ZYG11B: variants seen among roughly 807,000 people sequenced by gnomAD.
The protein encoded by ZYG11B is protein zyg-11 homolog B.
A neutral mutation model predicts 82.4 loss-of-function variants in ZYG11B; 36 were observed. The ratio of observed to expected loss-of-function variants is 0.44; its 90% CI spans 0.33 to 0.58. ZYG11B has a LOEUF of 0.58. ZYG11B is among the 20% of genes least tolerant of loss of function. The pLI is 0.02. For synonymous variants in ZYG11B, 303 were observed against 312.8 expected (o/e 0.97, Z 0.33); for missense variants, 552 against 895.6 (o/e 0.62, Z 4.90).
chr1:52,792,926 T>C (rs1156509088), intron 6 of ZYG11B, among the ~76,000 whole-genome samples: 1 of 152,110 alleles, frequency 6.6e-6, no homozygotes, highest in Non-Finnish European at 1.5e-5. Context: ...CTGCAACCTC[T>C]GCTTCCCAGG....
intron 3 of ZYG11B, among the ~76,000 whole-genome samples, chr1:52,777,498 G>T (rs1418622224): frequency 6.6e-6 from 1 of 152,124 alleles, no homozygotes; most frequent in Admixed American, 6.5e-5. Context: ...ATCATGGAGT[G>T]CTGTGGCACA....
At chr1:52,809,673 G>A (rs1188183768) in intron 10 of ZYG11B, among the ~76,000 whole-genome samples, 1 of 151,948 alleles carries the variant, frequency 6.6e-6, no homozygotes, top group East Asian at 1.9e-4. Context: ...CATTCTCACC[G>A]CTTGTTATTT....
chr1:52,730,297 AT>A (rs1571735096), intron 1 of ZYG11B, among the ~76,000 whole-genome samples: 1 of 152,120 alleles, frequency 6.6e-6, no homozygotes, highest in East Asian at 1.9e-4. Flanking sequence ...TTTTCATCTC[AT>A]GTATATAGAG....
rs1226692710 is a variant in ZYG11B, at chr1:52,726,633, C to T, written c.-21C>T. ...GGCGGGCTCCGGTCCGGCCCGCCGC[C>T]GCACCCAGGACGGAGGCTGCATGCC... On this transcript the variant is annotated 5_prime_UTR_variant, in exon 1 of 14. Transcript: ENST00000294353. The T allele has an allele frequency of 6.9e-7, 1 of 1,451,534 alleles. No individual in the cohort carries two copies. The highest frequency in any genetic ancestry group is 9.0e-7 in the Non-Finnish European group (1 of 1,107,662). The allele number at this position is 1,451,534 out of a possible 1,614,324, so 89.9% of individuals were successfully genotyped here.
At position 52,783,995 on chromosome 1, in the gene ZYG11B, T is replaced by TAGAGAGAGAG. The variant is rs555644548; in HGVS notation, c.1093-881_1093-880insGAGAGAGAGA. ...ATACACACACACACACATATATATATATAGAGAGAGAGAGAGATGGAGTTT... is the reference window on the plus strand; with the variant it reads ...ATACACACACACACACATATATATATAGAGAGAGAGATAGAGAGAGAGAGAGATGGAGTTT... On this transcript the variant is annotated intron_variant, in intron 4 of 13. Coordinates refer to ENST00000294353, the MANE Select transcript of ZYG11B (RefSeq NM_024646.3). Among the ~76,000 whole-genome samples the TAGAGAGAGAG allele has an allele frequency of 0.011, 885 of 79,924 alleles. 22 individuals carry two copies. In the East Asian group the frequency reaches 0.25, roughly 23 times the overall value. 52.4% of individuals were successfully genotyped at this position (79,924 alleles called of 152,430 possible).
intron 1 of ZYG11B, among the ~76,000 whole-genome samples, chr1:52,729,401 T>C (rs1457068902): frequency 6.6e-6 from 1 of 152,326 alleles, no homozygotes; most frequent in Non-Finnish European, 1.5e-5. Context: ...TTTCCTTGCT[T>C]GTTAAAACAT....
At chr1:52,802,879 G>T (rs983265082) in intron 10 of ZYG11B, among the ~76,000 whole-genome samples, 3 of 150,942 alleles carry the variant, frequency 2.0e-5, no homozygotes, top group Non-Finnish European at 4.4e-5. Flanking sequence ...AATTAGCTGG[G>T]TGCGGTGGCA....
chr1:52,739,603 T>C (rs1408952890), intron 1 of ZYG11B, among the ~76,000 whole-genome samples: 2 of 151,890 alleles, frequency 1.3e-5, no homozygotes, highest in East Asian at 3.9e-4. Context: ...ATTTGCAAAG[T>C]ACTTTGTTTT....
intron 3 of ZYG11B, chr1:52,772,721 A>G: frequency 1.5e-6 from 1 of 671,720 alleles, no homozygotes. Flanking sequence ...TCTGTCGCCC[A>G]GGCTGGAGTG....
intron 4 of ZYG11B, among the ~76,000 whole-genome samples, chr1:52,783,610 CTT>C (rs1156857504): frequency 7.6e-6 from 1 of 131,538 alleles, no homozygotes; most frequent in Non-Finnish European, 1.6e-5. Flanking sequence ...TTCTTTCTTT[CTT>C]TTTTTTTTTT....
chr1:52,753,489 GGCTTA>G lies in ZYG11B; in HGVS notation c.31-2968_31-2964del, dbSNP rs1644543800. ...GGCTGGCGTGCAATGGCGTGATCTTGGCTTATTGCAATCTCCACCTCCCAGGTTCA... is the reference window on the plus strand; with the variant it reads ...GGCTGGCGTGCAATGGCGTGATCTTGTTGCAATCTCCACCTCCCAGGTTCA... On this transcript the variant is annotated intron_variant, in intron 1 of 13. Coordinates refer to ENST00000294353, the MANE Select transcript of ZYG11B (RefSeq NM_024646.3). Among the ~76,000 whole-genome samples, 15 of 148,974 alleles carry G rather than the reference GGCTTA, an allele frequency of 1.0e-4. No homozygotes were observed. The South Asian group carries it at 3.2e-3, about 32-fold the overall frequency.
At chr1:52,803,179 TATATATATACAC>T (rs1406857143) in intron 10 of ZYG11B, among the ~76,000 whole-genome samples, 7 of 84,896 alleles carry the variant, frequency 8.2e-5, no homozygotes, top group East Asian at 2.3e-3. Flanking sequence ...CACACATATA[TATATATATACAC>T]ATATATATAT....
At chr1:52,783,211 G>GCC (rs1380914643) in intron 4 of ZYG11B, among the ~76,000 whole-genome samples, 2 of 152,158 alleles carry the variant, frequency 1.3e-5, no homozygotes, top group Non-Finnish European at 2.9e-5. Context: ...ACAGGCATGA[G>GCC]CCACCATGCC....
At chr1:52,779,814 G>C (rs772499119) in intron 3 of ZYG11B, 39 bp from the exon 4 acceptor site, 1 of 1,609,662 alleles carries the variant, frequency 6.2e-7, no homozygotes, top group Non-Finnish European at 8.5e-7. Context: ...GATAGAGAAA[G>C]AGAGAGAATT....
rs1645309980 is a variant in ZYG11B at position 52,824,624 on chromosome 1, G to C, written c.*2995G>C. 1 of 150,214 alleles carries C rather than the reference G, an allele frequency of 6.7e-6. No homozygotes were observed. The highest frequency in any genetic ancestry group is 1.5e-5 in the Non-Finnish European group (1 of 67,828). 9.3% of individuals were successfully genotyped at this position (150,214 alleles called of 1,614,324 possible). A position where few individuals can be genotyped will look rare whatever the true frequency, so the allele number is the denominator to read the frequency against. ...ACTGCACTCCAGCCTGGGTGACAGA[G>C]TAAGACTCCGTCTCAAAAAAAAAAA... is the stretch of plus-strand genomic sequence containing the variant. On this transcript the variant is annotated 3_prime_UTR_variant, in exon 14 of 14. Coordinates refer to ENST00000294353, the MANE Select transcript of ZYG11B (RefSeq NM_024646.3).
intron 1 of ZYG11B, among the ~76,000 whole-genome samples, chr1:52,733,140 G>T (rs1644347937): frequency 1.3e-5 from 2 of 152,110 alleles, no homozygotes; most frequent in Admixed American, 6.6e-5. Context: ...GTCATTTTCA[G>T]AGTATCTTGC....
chr1:52,729,218 A>G (rs1644310064), intron 1 of ZYG11B, among the ~76,000 whole-genome samples: 1 of 152,160 alleles, frequency 6.6e-6, no homozygotes, highest in South Asian at 2.1e-4. Context: ...CACTAATCCC[A>G]TTCATGTGGG....
intron 1 of ZYG11B, among the ~76,000 whole-genome samples, chr1:52,741,956 G>A (rs2149921837): frequency 6.6e-6 from 1 of 152,264 alleles, no homozygotes; most frequent in South Asian, 2.1e-4. Context: ...GTATTACATA[G>A]TCTTTTAGAA....
chr1:52,802,233 C>T lies in ZYG11B; in HGVS notation c.1695+94C>T, dbSNP rs542296909. 2.8e-5 allele frequency: 33 copies of T among 1,193,410 alleles called. No homozygotes were observed. In the East Asian group the frequency reaches 7.8e-4, roughly 28 times the overall value. The allele number at this position is 1,193,410 out of a possible 1,614,324, so 73.9% of individuals were successfully genotyped here. A position where few individuals can be genotyped will look rare whatever the true frequency, so the allele number is the denominator to read the frequency against. On this transcript the variant is annotated intron_variant, in intron 10 of 13. Coordinates refer to ENST00000294353, the MANE Select transcript of ZYG11B (RefSeq NM_024646.3). ...AGTTGCAGCTCTGCAGTGGCAGTAT[C>T]ATAGCCCCTTATCTAAGGCACGGTC...
Sources: gnomAD v4.1 joint callset for allele counts (sites outside exome capture counted in the v4.1 genomes callset) on GRCh38, gnomAD v4.1.1 for gene constraint, MANE v1.5 for transcripts, NCBI Gene and HGNC (gene_info 2026-07-23, HGNC 2026-07-21) for gene names.